Variants in ZNF605 observed in about 807,000 individuals in gnomAD.
The protein encoded by ZNF605 is zinc finger protein 605.
ZNF605 carries 9 observed loss-of-function variants against 7.9 expected under a neutral mutation model. The ratio of observed to expected loss-of-function variants is 1.14; its 90% CI spans 0.68 to 1.98. The LOEUF is 1.98. ZNF605 is among the 30% of genes most tolerant of loss of function. The pLI, the probability that ZNF605 is intolerant of heterozygous loss-of-function variation, is 0.00. For synonymous variants in ZNF605, 255 were observed against 260.1 expected, an observed-to-expected ratio of 0.98 and a Z score of 0.19; for missense variants, 673 against 762.4, an observed-to-expected ratio of 0.88 and a Z score of 1.38.
intron 2 of ZNF605, among the ~76,000 whole-genome samples, chr12:132,946,839 C>T (rs1952498563): frequency 6.6e-6 from 1 of 152,210 alleles, no homozygotes; most frequent in African/African-American, 2.4e-5. Flanking sequence ...AGACTAAAGC[C>T]TGGCCTTCAG....
intron 3 of ZNF605, chr12:132,944,793 A>G (rs1435756109): frequency 6.5e-6 from 1 of 153,238 alleles, no homozygotes; most frequent in Non-Finnish European, 1.5e-5. Flanking sequence ...ATAATTATCA[A>G]AACATTTTCT....
chr12:132,925,521 TCAC>T lies in ZNF605; in HGVS notation c.1775_1777del (p.Gly592del), dbSNP rs959473257. 1.2e-5 allele frequency: 20 copies of T among 1,614,102 alleles called. No homozygotes were observed. The highest frequency in any genetic ancestry group is 6.7e-5 in the East Asian group (3 of 44,894). On this transcript the variant is annotated inframe_deletion, in exon 5 of 5. Transcript: ENST00000360187. ...CTTTCTTGTGAAAGATTTCCCACAT[TCAC>T]CACATTTATATGGTCTCTCTCCTGT...
In ZNF605 at chr12:132,956,276, C is replaced by A. The variant is rs1172493073; in HGVS notation, c.-319G>T. ...CCTCGCAGGGCCGCGGCGGACACGG[C>A]CCGATCGGGGACGTGAACGCGCAGA... On this transcript the variant is annotated 5_prime_UTR_variant, in exon 1 of 5. Coordinates refer to ENST00000360187, the MANE Select transcript of ZNF605 (RefSeq NM_183238.4). The A allele has an allele frequency of 3.9e-5, 6 of 152,146 alleles. No homozygotes were observed. The highest frequency in any genetic ancestry group is 7.3e-5 in the Non-Finnish European group (5 of 68,036). The allele number at this position is 152,146 out of a possible 1,614,324, so 9.4% of individuals were successfully genotyped here. A position where few individuals can be genotyped will look rare whatever the true frequency, so the allele number is the denominator to read the frequency against.
intron 1 of ZNF605, among the ~76,000 whole-genome samples, chr12:132,952,037 C>T (rs1361534278): frequency 6.6e-6 from 1 of 152,062 alleles, no homozygotes; most frequent in African/African-American, 2.4e-5. Flanking sequence ...TGCTGAATTC[C>T]TATTACACAC....
chr12:132,929,187 CA>C (rs1952280438), intron 4 of ZNF605, among the ~76,000 whole-genome samples: 1 of 151,920 alleles, frequency 6.6e-6, no homozygotes, highest in Admixed American at 6.6e-5. Context: ...GTGGGTGGAT[CA>C]CTTGACCCCA....
Position 132,925,298 on chromosome 12 carries a change from C to T in ZNF605, c.*75G>A. On this transcript the variant is annotated 3_prime_UTR_variant, in exon 5 of 5. Transcript: ENST00000360187. Reference sequence around the variant, plus strand: ...CACTGCCTCAATAGGGTTTCTCTCCCACATGCATCCTCAAAAGTGTCAGAA... The same window carrying T: ...CACTGCCTCAATAGGGTTTCTCTCCTACATGCATCCTCAAAAGTGTCAGAA... 1 of 1,119,394 alleles carries T rather than the reference C, an allele frequency of 8.9e-7. No homozygotes were observed. The highest frequency in any genetic ancestry group is 1.3e-6 in the Non-Finnish European group (1 of 791,008). The allele number at this position is 1,119,394 out of a possible 1,614,324, so 69.3% of individuals were successfully genotyped here.
intron 3 of ZNF605, among the ~76,000 whole-genome samples, chr12:132,943,283 C>T (rs111466319): frequency 0.011 from 1,653 of 150,910 alleles, 12 homozygotes; most frequent in South Asian, 0.018. Context: ...GGTGTGAACC[C>T]GGGAGGCGGA....
chr12:132,947,959 A>C (rs1165580838), intron 2 of ZNF605, among the ~76,000 whole-genome samples, 189 bp downstream of exon 2: 1 of 152,124 alleles, frequency 6.6e-6, no homozygotes, highest in Non-Finnish European at 1.5e-5. Context: ...CTGGGCTGTT[A>C]CTGCTGATTT....
rs536647711 is a variant in ZNF605, at chr12:132,922,448, T to C, written c.*2925A>G. 3 of 152,328 alleles carry C rather than the reference T, an allele frequency of 2.0e-5. No homozygotes were observed. The East Asian group carries it at 5.8e-4, about 29-fold the overall frequency. The allele number at this position is 152,328 out of a possible 1,614,324, so 9.4% of individuals were successfully genotyped here. A position where few individuals can be genotyped will look rare whatever the true frequency, so the allele number is the denominator to read the frequency against. On this transcript the variant is annotated 3_prime_UTR_variant, in exon 5 of 5. Coordinates refer to ENST00000360187, the MANE Select transcript of ZNF605 (RefSeq NM_183238.4). ...AAAGAACTTTGTATTTGTTATAATT[T>C]CTACTGCATTGTCCAGATACAGATA...
In ZNF605 at chr12:132,926,349, G is replaced by T. The variant is rs1952247591; in HGVS notation, c.950C>A (p.Ala317Asp). ...AATCAGCTGCGACTTCCAAAAGAAG[G>T]CTTTTCCACAGTGACTACATGGATA... ...KPYPCSHCGK[A>D]FFWKSQLITH... The change falls in exon 5 of 5, where the codon GCC becomes GAC. Residue 317 changes from alanine to aspartate, a missense_variant. Coordinates refer to ENST00000360187, the MANE Select transcript of ZNF605 (RefSeq NM_183238.4). 6.2e-7 allele frequency: 1 copy of T among 1,614,164 alleles called. No homozygotes were observed. Among genetic ancestry groups the T allele is most frequent in the Non-Finnish European group, 8.5e-7 (1 of 1,180,026 alleles).
intron 4 of ZNF605, among the ~76,000 whole-genome samples, chr12:132,930,755 T>C (rs1419856444): frequency 3.9e-5 from 6 of 152,210 alleles, no homozygotes; most frequent in Admixed American, 6.5e-5. Flanking sequence ...TCTAAATTAA[T>C]AGGGGAATAT....
intron 1 of ZNF605, among the ~76,000 whole-genome samples, chr12:132,951,711 A>G (rs1593605948): frequency 6.6e-6 from 1 of 151,942 alleles, no homozygotes; most frequent in Non-Finnish European, 1.5e-5. Flanking sequence ...TACACCACAC[A>G]TGCACACACA....
intron 4 of ZNF605, among the ~76,000 whole-genome samples, chr12:132,931,047 G>A (rs1433940837): frequency 1.3e-5 from 2 of 152,146 alleles, no homozygotes; most frequent in Admixed American, 6.6e-5. Flanking sequence ...AAATTAGCTT[G>A]GTGTGGTGGT....
intron 3 of ZNF605, among the ~76,000 whole-genome samples, chr12:132,936,695 C>G (rs901404514): frequency 3.7e-4 from 56 of 152,136 alleles, no homozygotes; most frequent in Non-Finnish European, 5.9e-4. Flanking sequence ...TCAACACATA[C>G]CTCACACCTT....
intron 3 of ZNF605, among the ~76,000 whole-genome samples, chr12:132,937,479 C>T (rs1952380263): frequency 6.6e-6 from 1 of 150,904 alleles, no homozygotes. Context: ...CTACTATGTA[C>T]TTATTAGAAG....
rs1952325539 is a variant in ZNF605, at chr12:132,933,394, T to C, written c.16-239A>G. Among the ~76,000 whole-genome samples the C allele has an allele frequency of 6.6e-6, 1 of 152,126 alleles. No individual in the cohort carries two copies. The highest frequency in any genetic ancestry group is 1.9e-4 in the East Asian group (1 of 5,190). On this transcript the variant is annotated intron_variant, in intron 3 of 4. Transcript: ENST00000360187. This position sits in a 1 kb window ranked among gnomAD's most constrained non-coding sequence, Gnocchi z 4.4. ...CTTCCAAGACTAGGTTAGAAAGAAATGCAACTTCTATCCTGGGCACTCTCT... is the reference window on the plus strand; with the variant it reads ...CTTCCAAGACTAGGTTAGAAAGAAACGCAACTTCTATCCTGGGCACTCTCT...
chr12:132,933,413 ACTCT>A lies in ZNF605; in HGVS notation c.16-262_16-259del, dbSNP rs947405278. On this transcript the variant is annotated intron_variant, in intron 3 of 4. Transcript: ENST00000360187. The surrounding 1 kb of genome is among the most constrained non-coding windows in gnomAD (Gnocchi z 4.4). Reference sequence around the variant, plus strand: ...AAGAAATGCAACTTCTATCCTGGGCACTCTCTCTCTCTGGAGGAGTCTGGCTGCT... The same window carrying A: ...AAGAAATGCAACTTCTATCCTGGGCACTCTCTCTGGAGGAGTCTGGCTGCT... Among the ~76,000 whole-genome samples the A allele has an allele frequency of 2.6e-5, 4 of 151,800 alleles. No individual in the cohort carries two copies. The highest frequency in any genetic ancestry group is 9.7e-5 in the African/African-American group (4 of 41,336).
chr12:132,942,317 C>G (rs973352197), intron 3 of ZNF605, among the ~76,000 whole-genome samples: 1 of 152,174 alleles, frequency 6.6e-6, no homozygotes, highest in Non-Finnish European at 1.5e-5. Flanking sequence ...TGGACTGTGG[C>G]GGCTGTGGAC....
rs1952254265 is a variant in ZNF605 at position 132,927,038 on chromosome 12, A to C, written c.261T>G (p.His87Gln). 2 of 1,608,828 alleles carry C rather than the reference A, an allele frequency of 1.2e-6. No homozygotes were observed. The highest frequency in any genetic ancestry group is 4.5e-5 in the East Asian group (2 of 44,882). Residue 87 changes from histidine to glutamine, a missense_variant, in exon 5 of 5, where the codon CAT (histidine) becomes CAG (glutamine). Transcript: ENST00000360187. ...KIFNSSINIV[H>Q]VGLRSHKCGT... ...CACATTTATGGGATCGCAGTCCTAC[A>C]TGAACAATGTTTATGCTTGAATTAA...
Sources: allele counts gnomAD v4.1 joint callset (sites outside exome capture counted in the v4.1 genomes callset), GRCh38; gene constraint gnomAD v4.1.1; non-coding constraint Gnocchi (gnomAD v3.1); transcripts MANE v1.5; gene names NCBI Gene and HGNC (gene_info 2026-07-23, HGNC 2026-07-21).